ERGIC1: variants seen among roughly 807,000 people sequenced by gnomAD.
ERGIC1 encodes endoplasmic reticulum-Golgi intermediate compartment protein 1.
A neutral mutation model predicts 38.3 loss-of-function variants in ERGIC1; 19 were observed. The observed-to-expected ratio is 0.50, with a 90% CI of 0.35 to 0.73. The LOEUF is 0.73. ERGIC1 is among the 30% of genes least tolerant of loss of function. The pLI is 0.01. For synonymous variants in ERGIC1, 124 were observed against 157.6 expected, an observed-to-expected ratio of 0.79 and a Z score of 1.60; for missense variants, 294 against 389.2, an observed-to-expected ratio of 0.76 and a Z score of 2.06.
intron 2 of ERGIC1, among the ~76,000 whole-genome samples, chr5:172,896,751 G>C (rs1762732513): frequency 2.6e-5 from 4 of 152,244 alleles, no homozygotes; most frequent in Admixed American, 1.3e-4. Context: ...CTCCTGGAAG[G>C]AAGCGGGGCC....
intron 1 of ERGIC1, among the ~76,000 whole-genome samples, chr5:172,841,389 G>T (rs965511079): frequency 6.6e-6 from 1 of 152,202 alleles, no homozygotes; most frequent in African/African-American, 2.4e-5. Flanking sequence ...CCGACCCTCA[G>T]AAATGCTGGG....
intron 1 of ERGIC1, among the ~76,000 whole-genome samples, chr5:172,859,513 C>G (rs1736715738): frequency 1.3e-5 from 2 of 152,184 alleles, no homozygotes; most frequent in African/African-American, 2.4e-5. Flanking sequence ...CTGAAGGTCA[C>G]AGTGCCGTCC....
At chr5:172,936,396 T>A (rs374006622) in intron 9 of ERGIC1, 10 of 152,360 alleles carry the variant, frequency 6.6e-5, no homozygotes, top group African/African-American at 2.4e-4. Flanking sequence ...CCTCATGCCA[T>A]CCTTGTGGCC....
chr5:172,861,098 C>T (rs1430697421), intron 1 of ERGIC1, among the ~76,000 whole-genome samples: 1 of 152,192 alleles, frequency 6.6e-6, no homozygotes, highest in Non-Finnish European at 1.5e-5. Context: ...GTCCTCCATC[C>T]GCCTCGCTGA....
intron 1 of ERGIC1, among the ~76,000 whole-genome samples, chr5:172,859,575 C>G (rs565989501): frequency 1.3e-5 from 2 of 152,340 alleles, no homozygotes; most frequent in East Asian, 3.9e-4. Context: ...CAGGATGAAA[C>G]TGGGGCTCAG....
Position 172,926,831 on chromosome 5 carries a change from A to G in ERGIC1, c.541+262A>G. 3 of 508,952 alleles carry G rather than the reference A, an allele frequency of 5.9e-6. No homozygotes were observed. The highest frequency in any genetic ancestry group is 1.1e-5 in the Non-Finnish European group (3 of 279,750). 31.5% of individuals were successfully genotyped at this position (508,952 alleles called of 1,614,324 possible). Reference sequence around the variant, plus strand: ...GCAGTGGATACCAGCTATTACCATTATTGTTGCTCTCATCACAGCCACATC... The same window carrying G: ...GCAGTGGATACCAGCTATTACCATTGTTGTTGCTCTCATCACAGCCACATC... On this transcript the variant is annotated intron_variant, in intron 7 of 9. Transcript: ENST00000393784. This position sits in a 1 kb window ranked among gnomAD's most constrained non-coding sequence, Gnocchi z 5.2.
At chr5:172,916,830 A>C (rs1169266380) in intron 5 of ERGIC1, 2 of 151,990 alleles carry the variant, frequency 1.3e-5, no homozygotes, top group East Asian at 1.9e-4. Context: ...ACAAAAAAAA[A>C]CAAAATTAGC....
At chr5:172,893,257 C>T (rs1762613032) in intron 2 of ERGIC1, among the ~76,000 whole-genome samples, 1 of 152,198 alleles carries the variant, frequency 6.6e-6, no homozygotes, top group Non-Finnish European at 1.5e-5. Context: ...AAGTGGTTCT[C>T]CTGTCTCAGC....
chr5:172,919,791 G>T (rs373437115), intron 5 of ERGIC1, among the ~76,000 whole-genome samples: 1 of 152,190 alleles, frequency 6.6e-6, no homozygotes, highest in Non-Finnish European at 1.5e-5. Context: ...TTACAAGTGC[G>T]CCTGTGGAAG....
intron 3 of ERGIC1, among the ~76,000 whole-genome samples, chr5:172,904,980 C>T (rs907692868): frequency 2.0e-5 from 3 of 152,168 alleles, no homozygotes; most frequent in African/African-American, 4.8e-5. Flanking sequence ...TCTAGCCCTG[C>T]GGAGCCTGTT....
At chr5:172,898,754 G>A (rs1261294372) in intron 3 of ERGIC1, among the ~76,000 whole-genome samples, 3 of 152,154 alleles carry the variant, frequency 2.0e-5, no homozygotes, top group East Asian at 3.9e-4. Flanking sequence ...GGAGAGGTTG[G>A]TCTGCTTCCC....
chr5:172,835,448 G>A (rs1441504262), intron 1 of ERGIC1, among the ~76,000 whole-genome samples: 1 of 150,954 alleles, frequency 6.6e-6, no homozygotes, highest in Non-Finnish European at 1.5e-5. Context: ...TAAGGTCTCC[G>A]CTTGTGACGA....
chr5:172,945,657 C>T (rs1389305043), intron 9 of ERGIC1, among the ~76,000 whole-genome samples: 6 of 150,840 alleles, frequency 4.0e-5, no homozygotes, highest in Non-Finnish European at 8.8e-5. Flanking sequence ...TCAGTAGAGC[C>T]GCAGGGGTTT....
Position 172,834,353 on chromosome 5 carries a change from G to A in ERGIC1, c.-61G>A. On this transcript the variant is annotated 5_prime_UTR_variant, in exon 1 of 10. Coordinates refer to ENST00000393784, the MANE Select transcript of ERGIC1 (RefSeq NM_001031711.3). The surrounding 1 kb of genome is among the most constrained non-coding windows in gnomAD (Gnocchi z 4.1). ...CGGAGGAGGCGTTGGCAGCGGGCTC[G>A]GACCCACGCGGCGCCGCGGCCCGCC... 1 of 1,241,928 alleles carries A rather than the reference G, an allele frequency of 8.1e-7. No individual in the cohort carries two copies. Among genetic ancestry groups the A allele is most frequent in the Non-Finnish European group, 1.0e-6 (1 of 992,830 alleles). The allele number at this position is 1,241,928 out of a possible 1,614,324, so 76.9% of individuals were successfully genotyped here. A position where few individuals can be genotyped will look rare whatever the true frequency, so the allele number is the denominator to read the frequency against.
chr5:172,921,096 C>T (rs1002418419), intron 5 of ERGIC1, among the ~76,000 whole-genome samples: 23 of 152,214 alleles, frequency 1.5e-4, no homozygotes, highest in African/African-American at 5.3e-4. Flanking sequence ...AGGCCAGCTG[C>T]GGGCTGCTTT....
intron 2 of ERGIC1, among the ~76,000 whole-genome samples, chr5:172,889,930 C>T (rs1762516195): frequency 6.6e-6 from 1 of 152,170 alleles, no homozygotes; most frequent in Admixed American, 6.5e-5. Context: ...TTTGGGTTTT[C>T]AGATTTGGGA....
At chr5:172,911,459 C>G (rs1230137850) in intron 4 of ERGIC1, among the ~76,000 whole-genome samples, 3 of 152,204 alleles carry the variant, frequency 2.0e-5, no homozygotes, top group African/African-American at 4.8e-5. Context: ...AACCTCCACC[C>G]CATTCCCTGC....
At position 172,834,379 on chromosome 5, in the gene ERGIC1, T is replaced by C. The variant is rs1045432348; in HGVS notation, c.-35T>C. 2.3e-6 allele frequency: 3 copies of C among 1,286,658 alleles called. No homozygotes were observed. Among genetic ancestry groups the C allele is most frequent in the Admixed American group, 7.7e-5 (2 of 25,856 alleles). The allele number at this position is 1,286,658 out of a possible 1,614,324, so 79.7% of individuals were successfully genotyped here. ...GACCCACGCGGCGCCGCGGCCCGCCTGGCCTGCAGCGCTCCCACCCCCGGC... is the reference window on the plus strand; with the variant it reads ...GACCCACGCGGCGCCGCGGCCCGCCCGGCCTGCAGCGCTCCCACCCCCGGC... On this transcript the variant is annotated 5_prime_UTR_variant, in exon 1 of 10. Transcript: ENST00000393784. This position sits in a 1 kb window ranked among gnomAD's most constrained non-coding sequence, Gnocchi z 4.1.
Position 172,906,127 on chromosome 5 carries a change from T to A in ERGIC1, c.156-3540T>A, listed in dbSNP as rs568828450. ...GTTTGCCTCTCTCCCTCCAGCTCCT[T>A]TGCTCTTGGTGGCCTCTGATTGGGG... On this transcript the variant is annotated intron_variant, in intron 3 of 9. Transcript: ENST00000393784. The A allele has an allele frequency of 1.4e-3, 639 of 456,278 alleles. 2 individuals are homozygous for A. Among genetic ancestry groups the A allele is most frequent in the Middle Eastern group, 5.8e-3 (18 of 3,078 alleles). The allele number at this position is 456,278 out of a possible 1,614,324, so 28.3% of individuals were successfully genotyped here. A position where few individuals can be genotyped will look rare whatever the true frequency, so the allele number is the denominator to read the frequency against.
Sources: gnomAD v4.1 joint callset for allele counts (sites outside exome capture counted in the v4.1 genomes callset) on GRCh38, gnomAD v4.1.1 for gene constraint, Gnocchi (gnomAD v3.1) non-coding constraint, MANE v1.5 for transcripts, NCBI Gene and HGNC (gene_info 2026-07-23, HGNC 2026-07-21) for gene names.